CASK: variants seen among roughly 807,000 people sequenced by gnomAD.
The protein encoded by CASK is peripheral plasma membrane protein CASK.
CASK carries 4 observed loss-of-function variants against 82.9 expected under a neutral mutation model. The ratio of observed to expected loss-of-function variants is 0.05; its 90% CI spans 0.02 to 0.11. The LOEUF is 0.11. Ranked by LOEUF, CASK falls within the 10% of genes least tolerant of loss-of-function variation. The pLI, the probability that CASK is intolerant of heterozygous loss-of-function variation, is 1.00. For synonymous variants in CASK, 259 were observed against 253.5 expected, an observed-to-expected ratio of 1.02 and a Z score of -0.20; for missense variants, 358 against 720.9, an observed-to-expected ratio of 0.50 and a Z score of 5.76.
chrX:41,742,957 T>C (rs1050283903), intron 4 of CASK, among the ~76,000 whole-genome samples: 1 of 112,270 alleles, frequency 8.9e-6, no homozygotes, highest in Non-Finnish European at 1.9e-5. Context: ...CTTTCACCAT[T>C]TTAACAGCTT....
At chrX:41,826,085 C>T (rs1395352136) in intron 2 of CASK, among the ~76,000 whole-genome samples, 1 of 111,916 alleles carries the variant, frequency 8.9e-6, no homozygotes, top group Non-Finnish European at 1.9e-5. Context: ...AATGGAGTAG[C>T]ATCAACTACT....
chrX:41,523,972 A>T lies in CASK; in HGVS notation c.2583T>A (p.Thr861=). ...APFVVFIAAP[T]ITPGLNEDES... ...TTACCTCATTTAAACCTGGAGTAAT[A>T]GTTGGTGCAGCAATGAAAACAACAA... The change falls in exon 26 of 27, where the codon ACT becomes ACA. Residue 861 remains threonine, a synonymous_variant. Coordinates refer to ENST00000378163, the MANE Select transcript of CASK (RefSeq NM_001367721.1). The T allele has an allele frequency of 2.5e-6, 3 of 1,199,009 alleles. No individual in the cohort carries two copies. In the South Asian group the frequency reaches 5.3e-5, roughly 21 times the overall value.
intron 8 of CASK, among the ~76,000 whole-genome samples, chrX:41,637,429 G>C (rs2066576859): frequency 1.6e-5 from 1 of 60,847 alleles, no homozygotes; most frequent in Non-Finnish European, 2.7e-5. Flanking sequence ...GTCTTCCTCT[G>C]TTGCCCAGGC....
At chrX:41,569,944 T>A (rs779740054) in intron 15 of CASK, among the ~76,000 whole-genome samples, 198 bp from the exon 16 acceptor site, 7 of 109,892 alleles carry the variant, frequency 6.4e-5, no homozygotes, top group Non-Finnish European at 1.1e-4. Context: ...TTTGATTTTT[T>A]GATTGCTATA....
At chrX:41,757,311 C>T (rs183833395) in intron 3 of CASK, among the ~76,000 whole-genome samples, 2 of 111,069 alleles carry the variant, frequency 1.8e-5, no homozygotes, top group Admixed American at 1.9e-4. Context: ...AACACTTTTG[C>T]ATTCTTTATG....
intron 1 of CASK, among the ~76,000 whole-genome samples, chrX:41,859,590 G>A (rs1219603716): frequency 9.0e-6 from 1 of 111,385 alleles, no homozygotes; most frequent in Non-Finnish European, 1.9e-5. Context: ...TTTTCTTGGT[G>A]ATTTTGCTGT....
intron 12 of CASK, among the ~76,000 whole-genome samples, chrX:41,590,782 C>A (rs2065734157): frequency 9.4e-6 from 1 of 106,842 alleles, no homozygotes; most frequent in Non-Finnish European, 1.9e-5. Flanking sequence ...CGGTTTTATT[C>A]TTTTTTTTTT....
chrX:41,900,370 A>G (rs2072347645), intron 1 of CASK, among the ~76,000 whole-genome samples: 1 of 110,646 alleles, frequency 9.0e-6, no homozygotes, highest in Admixed American at 9.6e-5. Flanking sequence ...CTTCATCTGG[A>G]AATCTCATAT....
At chrX:41,813,246 A>T (rs2070338763) in intron 2 of CASK, among the ~76,000 whole-genome samples, 1 of 111,725 alleles carries the variant, frequency 9.0e-6, no homozygotes, top group Non-Finnish European at 1.9e-5. Context: ...AACTACTTTA[A>T]AGTTCATATG....
intron 2 of CASK, among the ~76,000 whole-genome samples, chrX:41,796,855 T>C (rs182227196): frequency 1.8e-5 from 2 of 112,120 alleles, no homozygotes; most frequent in East Asian, 5.6e-4. Context: ...AATTCTTGAC[T>C]GGATCACAGC....
chrX:41,556,902 T>C (rs1240369660), intron 19 of CASK, 130 bp downstream of exon 19: 5 of 543,937 alleles, frequency 9.2e-6, no homozygotes, highest in African/African-American at 4.6e-5. Context: ...GTAAAGTGCA[T>C]TGTAGCTGTA....
At chrX:41,742,462 G>A (rs1372551782) in intron 4 of CASK, among the ~76,000 whole-genome samples, 2 of 111,717 alleles carry the variant, frequency 1.8e-5, no homozygotes, top group Non-Finnish European at 3.8e-5. Context: ...GATCTTGTGT[G>A]TTAGCTCACT....
intron 2 of CASK, among the ~76,000 whole-genome samples, chrX:41,849,540 T>C (rs1227328975): frequency 8.9e-6 from 1 of 111,859 alleles, no homozygotes; most frequent in Non-Finnish European, 1.9e-5. Context: ...TTTCATTTTT[T>C]CATACATGTG....
intron 3 of CASK, among the ~76,000 whole-genome samples, chrX:41,786,505 G>A (rs576738532): frequency 3.8e-4 from 41 of 108,665 alleles, no homozygotes; most frequent in East Asian, 1.2e-3. Context: ...AAAGCACTGA[G>A]ATTACAGGCA....
chrX:41,533,555 T>C (rs1000676274), intron 24 of CASK, among the ~76,000 whole-genome samples: 1 of 112,770 alleles, frequency 8.9e-6, no homozygotes, highest in African/African-American at 3.2e-5. Context: ...GTGAAGGCCC[T>C]ATAGAATGGA....
At chrX:41,731,049 C>T (rs1431455379) in intron 5 of CASK, among the ~76,000 whole-genome samples, 5 of 111,943 alleles carry the variant, frequency 4.5e-5, no homozygotes, top group African/African-American at 6.5e-5. Flanking sequence ...AAAACTCATC[C>T]GACTAAGACA....
intron 7 of CASK, among the ~76,000 whole-genome samples, chrX:41,661,459 C>A (rs888328925): frequency 7.2e-5 from 8 of 111,088 alleles, no homozygotes; most frequent in African/African-American, 2.6e-4. Context: ...CAGGCAGAGA[C>A]CTACATCACC....
At chrX:41,798,358 T>C (rs961429203) in intron 2 of CASK, among the ~76,000 whole-genome samples, 2 of 112,547 alleles carry the variant, frequency 1.8e-5, no homozygotes, top group Non-Finnish European at 3.7e-5. Context: ...GATGAGATGA[T>C]TATTTGCCTT....
At chrX:41,831,828 G>T (rs1032835576) in intron 2 of CASK, among the ~76,000 whole-genome samples, 8 of 110,840 alleles carry the variant, frequency 7.2e-5, no homozygotes, top group Admixed American at 4.8e-4. Flanking sequence ...GGGCATTGTG[G>T]TGCACGCCTG....
Sources: gnomAD v4.1 joint callset for allele counts (sites outside exome capture counted in the v4.1 genomes callset) on GRCh38, gnomAD v4.1.1 for gene constraint, MANE v1.5 for transcripts, NCBI Gene and HGNC (gene_info 2026-07-23, HGNC 2026-07-21) for gene names.